The following ALG6 variants were observed in gnomAD, a reference collection of about 807,000 sequenced individuals.
ALG6 encodes ALG6 alpha-1,3-glucosyltransferase, also known as dolichyl pyrophosphate Man9GlcNAc2 alpha-1,3-glucosyltransferase.
Under a neutral mutation model 66.6 loss-of-function variants are expected in ALG6, and 46 were observed. The ratio of observed to expected loss-of-function variants is 0.69; its 90% CI spans 0.55 to 0.88. The LOEUF (loss-of-function observed/expected upper bound fraction) is 0.88, where lower values mean the gene tolerates loss of function less well. Among genes scored for constraint, ALG6 ranks in the 40% least tolerant of loss-of-function variants. The probability of loss-of-function intolerance (pLI) is 0.00; values close to 1 mark genes in which losing one functional copy is unlikely to be tolerated. For synonymous variants in ALG6, 185 were observed against 203.7 expected (o/e 0.91, Z 0.78); for missense variants, 505 against 586.8 (o/e 0.86, Z 1.44).
At chr1:63,391,079 C>G (rs764777855) in intron 2 of ALG6, among the ~76,000 whole-genome samples, 2 of 152,104 alleles carry the variant, frequency 1.3e-5, no homozygotes, top group Non-Finnish European at 2.9e-5. Context: ...TCCTGCTCTG[C>G]CTCCTCTGTC....
At chr1:63,420,650 GGA>G (rs1351152931) in intron 12 of ALG6, among the ~76,000 whole-genome samples, 2 of 151,740 alleles carry the variant, frequency 1.3e-5, no homozygotes, top group African/African-American at 4.8e-5. Flanking sequence ...CATGAGGTCA[GGA>G]GATCGACACC....
intron 12 of ALG6, among the ~76,000 whole-genome samples, chr1:63,422,180 TTTATATAA>T (rs1644579507): frequency 2.4e-5 from 3 of 127,208 alleles, no homozygotes; most frequent in Non-Finnish European, 3.2e-5. Context: ...TGAATTTATA[TTTATATAA>T]ATATATATCT....
At chr1:63,389,912 C>G (rs1222029054) in intron 2 of ALG6, among the ~76,000 whole-genome samples, 1 of 152,140 alleles carries the variant, frequency 6.6e-6, no homozygotes, top group Non-Finnish European at 1.5e-5. Flanking sequence ...TGTTCTTTTC[C>G]CTTACTTTCC....
At chr1:63,401,003 G>T (rs990154159) in intron 3 of ALG6, among the ~76,000 whole-genome samples, 4 of 149,108 alleles carry the variant, frequency 2.7e-5, no homozygotes, top group Non-Finnish European at 4.5e-5. Flanking sequence ...CGGTTTCCCA[G>T]ATTCAAGCTG....
At chr1:63,425,713 G>T (rs1644611745) in intron 12 of ALG6, among the ~76,000 whole-genome samples, 1 of 152,186 alleles carries the variant, frequency 6.6e-6, no homozygotes. Flanking sequence ...AGCACTGGTG[G>T]AGAGTTGAGT....
chr1:63,406,697 C>T (rs148267993), intron 6 of ALG6, among the ~76,000 whole-genome samples: 6 of 152,162 alleles, frequency 3.9e-5, no homozygotes, highest in African/African-American at 1.4e-4. Context: ...ATTGACCAAA[C>T]TGAAAGGCAT....
chr1:63,437,772 G>C lies in ALG6; in HGVS notation c.*752G>C, dbSNP rs1055851715. On this transcript the variant is annotated 3_prime_UTR_variant, in exon 15 of 15. Coordinates refer to ENST00000263440, the MANE Select transcript of ALG6 (RefSeq NM_013339.4). ...TCTTCTAAATTACACATAATCACTG[G>C]TTCTAAACTTCCAGAACCATTCTGT... 6.6e-6 allele frequency: 1 copy of C among 151,384 alleles called. No individual in the cohort carries two copies. Among genetic ancestry groups the C allele is most frequent in the Non-Finnish European group, 1.5e-5 (1 of 67,906 alleles). The allele number at this position is 151,384 out of a possible 1,614,324, so 9.4% of individuals were successfully genotyped here.
intron 12 of ALG6, among the ~76,000 whole-genome samples, chr1:63,420,347 A>C (rs2100428978): frequency 6.6e-6 from 1 of 152,268 alleles, no homozygotes; most frequent in South Asian, 2.1e-4. Context: ...GTACCAGGGG[A>C]TGAAACTGTG....
intron 5 of ALG6, among the ~76,000 whole-genome samples, chr1:63,405,948 T>C (rs145097402): frequency 6.6e-6 from 1 of 152,216 alleles, no homozygotes; most frequent in East Asian, 1.9e-4. Flanking sequence ...AAAGATTTTC[T>C]TACACATCAC....
At chr1:63,422,376 AG>A (rs1299223755) in intron 12 of ALG6, among the ~76,000 whole-genome samples, 2 of 102,406 alleles carry the variant, frequency 2.0e-5, no homozygotes, top group African/African-American at 7.9e-5. Flanking sequence ...AATATATATA[AG>A]TATAAATATA....
At chr1:63,425,201 T>G (rs1396337138) in intron 12 of ALG6, among the ~76,000 whole-genome samples, 3 of 152,082 alleles carry the variant, frequency 2.0e-5, no homozygotes, top group African/African-American at 7.2e-5. Flanking sequence ...GTTTGTTTGT[T>G]TAAGAGAGGA....
At position 63,411,279 on chromosome 1, in the gene ALG6, T is replaced by C; in HGVS notation, c.628T>C (p.Phe210Leu). Residue 210 changes from phenylalanine (F) to leucine (L), a missense_variant, in exon 8 of 15, where the codon TTT becomes CTT. Physicochemically the swap from Phe to Leu is conservative, Grantham distance 22 (BLOSUM62 0). Transcript: ENST00000263440. Reference sequence around the variant, plus strand: ...GATGGAACTTTACCACGCCTTGCCATTTTTTTGCTTTTTACTTGGCAAGTG... The same window carrying C: ...GATGGAACTTTACCACGCCTTGCCACTTTTTTGCTTTTTACTTGGCAAGTG... Reference protein sequence around the residue: ...KQMELYHALPFFCFLLGKCFK... With the variant: ...KQMELYHALPLFCFLLGKCFK... The C allele has an allele frequency of 6.2e-7, 1 of 1,613,794 alleles. No individual in the cohort carries two copies. The highest frequency in any genetic ancestry group is 8.5e-7 in the Non-Finnish European group (1 of 1,179,828).
chr1:63,402,230 C>A (rs1644468291), intron 3 of ALG6, 24 bp from the exon 4 acceptor site: 1 of 1,385,534 alleles, frequency 7.2e-7, no homozygotes, highest in Non-Finnish European at 1.0e-6. Context: ...CGGAATGGTG[C>A]TTTCTTCTTT....
intron 12 of ALG6, among the ~76,000 whole-genome samples, chr1:63,422,118 A>T (rs1435996435): frequency 1.2e-5 from 1 of 80,170 alleles, no homozygotes; most frequent in Admixed American, 1.8e-4. Context: ...AATATATATA[A>T]ATATATAAAT....
intron 2 of ALG6, among the ~76,000 whole-genome samples, chr1:63,389,149 G>A (rs559223261): frequency 6.6e-6 from 1 of 152,112 alleles, no homozygotes; most frequent in East Asian, 1.9e-4. Context: ...TTATCCCTTT[G>A]AATAAACTTT....
rs901589984 is a variant in ALG6 at position 63,408,428 on chromosome 1, T to C, written c.494+1302T>C. 2.6e-5 allele frequency among the ~76,000 whole-genome samples: 4 copies of C among 152,334 alleles called. No homozygotes were observed. In the East Asian group the frequency reaches 7.7e-4, roughly 29 times the overall value. ...GCATGAATACATGTAATTCTATCAC[T>C]GAGAGAGTAATTTGGGTTGTTTCCC... On this transcript the variant is annotated intron_variant, in intron 7 of 14. Coordinates refer to ENST00000263440, the MANE Select transcript of ALG6 (RefSeq NM_013339.4).
chr1:63,422,274 T>TATATTTATATAG lies in ALG6; in HGVS notation c.1058+2838_1058+2839insTTATATAGATAT, dbSNP rs1553156457. Reference sequence around the variant, plus strand: ...ATATATTTATATAGATATAAATATATATATAAATATATATATTTATATAGA... The same window carrying TATATTTATATAG: ...ATATATTTATATAGATATAAATATATATATTTATATAGATATAAATATATATATTTATATAGA... On this transcript the variant is annotated intron_variant, in intron 12 of 14. Coordinates refer to ENST00000263440, the MANE Select transcript of ALG6 (RefSeq NM_013339.4). 4.7e-3 allele frequency among the ~76,000 whole-genome samples: 187 copies of TATATTTATATAG among 39,418 alleles called. 27 individuals are homozygous for TATATTTATATAG. Among genetic ancestry groups the TATATTTATATAG allele is most frequent in the African/African-American group, 0.024 (155 of 6,400 alleles). 25.9% of individuals were successfully genotyped at this position (39,418 alleles called of 152,430 possible).
chr1:63,393,098 A>G (rs188677697), intron 2 of ALG6, among the ~76,000 whole-genome samples: 4 of 152,302 alleles, frequency 2.6e-5, no homozygotes, highest in Admixed American at 2.6e-4. Flanking sequence ...TTATTATCCC[A>G]GTGGACCAAA....
At position 63,429,305 on chromosome 1, in the gene ALG6, A is replaced by G. The variant is rs577738309; in HGVS notation, c.1326+179A>G. Among the ~76,000 whole-genome samples the G allele has an allele frequency of 2.6e-5, 4 of 152,302 alleles. No individual in the cohort carries two copies. In the East Asian group the frequency reaches 7.7e-4, roughly 29 times the overall value. On this transcript the variant is annotated intron_variant, in intron 14 of 14. Transcript: ENST00000263440. ...ACAGATTTGCACAACTATCACCATC[A>G]TCTAATTTTACATTATTTTGTCACT...
Sources: gnomAD v4.1 joint callset for allele counts (sites outside exome capture counted in the v4.1 genomes callset) on GRCh38, gnomAD v4.1.1 for gene constraint, MANE v1.5 for transcripts, NCBI Gene and HGNC (gene_info 2026-07-23, HGNC 2026-07-21) for gene names.